ABCC12: variants seen among roughly 807,000 people sequenced by gnomAD.
ABCC12 encodes ATP-binding cassette sub-family C member 12.
ABCC12 carries 142 observed loss-of-function variants against 151.1 expected under a neutral mutation model. That is an observed-to-expected ratio of 0.94 (90% CI 0.82 to 1.08). The LOEUF (loss-of-function observed/expected upper bound fraction) is 1.08, where lower values mean the gene tolerates loss of function less well. Ranked by LOEUF, ABCC12 falls within the 50% of genes least tolerant of loss-of-function variation. The pLI is 0.00. For synonymous variants in ABCC12, 645 were observed against 646.4 expected (o/e 1.00, Z 0.03); for missense variants, 1,638 against 1,691.1 (o/e 0.97, Z 0.55).
rs1274550571 is a variant in ABCC12, at chr16:48,107,958, G to A, written c.2371+482C>T. ...CAGAGGTTGGAGGTTGCAGTCAGCC[G>A]AGATTGCACCATTGCACTCCAGCCT... On this transcript the variant is annotated intron_variant, in intron 19 of 30. Coordinates refer to ENST00000311303, the MANE Select transcript of ABCC12 (RefSeq NM_001393797.1). Among the ~76,000 whole-genome samples, 6 of 151,748 alleles carry A rather than the reference G, an allele frequency of 4.0e-5. 1 individual carries two copies. Among genetic ancestry groups the A allele is most frequent in the East Asian group, 1.9e-4 (1 of 5,174 alleles).
At chr16:48,108,560 T>C in intron 18 of ABCC12, 31 bp from the exon 19 acceptor site, 1 of 1,595,972 alleles carries the variant, frequency 6.3e-7, no homozygotes, top group Non-Finnish European at 8.6e-7. Context: ...GCCATGGCTC[T>C]CACCACTGGG....
chr16:48,143,401 A>C (rs1447351333), intron 4 of ABCC12, among the ~76,000 whole-genome samples: 1 of 152,228 alleles, frequency 6.6e-6, no homozygotes. Flanking sequence ...CAAATCTCAG[A>C]GAATGGTTAC....
At chr16:48,099,994 C>G (rs1963247468) in intron 23 of ABCC12, among the ~76,000 whole-genome samples, 1 of 148,822 alleles carries the variant, frequency 6.7e-6, no homozygotes, top group South Asian at 2.1e-4. Context: ...GAGTCTCACT[C>G]TGTTGCCCAG....
chr16:48,128,410 T>C (rs1356777240), intron 11 of ABCC12, 49 bp downstream of exon 11: 9 of 1,598,630 alleles, frequency 5.6e-6, no homozygotes, highest in Non-Finnish European at 6.8e-6. Context: ...TGTAGCTATG[T>C]AATGCAAGGA....
At chr16:48,093,475 G>A (rs770747154) in intron 24 of ABCC12, among the ~76,000 whole-genome samples, 1 of 152,146 alleles carries the variant, frequency 6.6e-6, no homozygotes, top group Non-Finnish European at 1.5e-5. Flanking sequence ...GCTGTTGTAT[G>A]AAATGCTGCT....
intron 25 of ABCC12, among the ~76,000 whole-genome samples, chr16:48,089,537 T>TGTG (rs1490408745): frequency 6.1e-4 from 93 of 152,276 alleles, no homozygotes; most frequent in African/African-American, 2.0e-3. Flanking sequence ...GCCCCTCCTC[T>TGTG]TAAGTCACCT....
rs569541804 is a variant in ABCC12 at position 48,133,933 on chromosome 16, C to T, written c.980-98G>A. On this transcript the variant is annotated intron_variant, in intron 8 of 30. Transcript: ENST00000311303. ...CCTACTTGGTCCTCTTCCAGATGGG[C>T]GCTCATGAGTCCTGTTGTGAAGTTT... 1.2e-3 allele frequency: 1,628 copies of T among 1,406,498 alleles called. 11 individuals carry two copies. The African/African-American group carries it at 0.018, about 16-fold the overall frequency. 87.1% of individuals were successfully genotyped at this position (1,406,498 alleles called of 1,614,324 possible). A position where few individuals can be genotyped will look rare whatever the true frequency, so the allele number is the denominator to read the frequency against.
intron 19 of ABCC12, among the ~76,000 whole-genome samples, chr16:48,107,903 G>A (rs998289231): frequency 1.3e-5 from 2 of 152,186 alleles, no homozygotes; most frequent in South Asian, 2.1e-4. Context: ...TTGGGAGGCT[G>A]AGGCAGGAGA....
rs972382092 is a variant in ABCC12 at position 48,111,521 on chromosome 16, T to G, written c.2210-14A>C. On this transcript the variant is annotated splice_polypyrimidine_tract_variant and intron_variant, in intron 17 of 30. Transcript: ENST00000311303. ...CTGGAGCCAAAACTAGGGTGAGAAATAAAGAGAGATCTGTGTCCATTCAAG... is the reference window on the plus strand; with the variant it reads ...CTGGAGCCAAAACTAGGGTGAGAAAGAAAGAGAGATCTGTGTCCATTCAAG... The G allele has an allele frequency of 1.1e-5, 17 of 1,613,966 alleles. No individual in the cohort carries two copies. Among genetic ancestry groups the G allele is most frequent in the African/African-American group, 4.0e-5 (3 of 74,890 alleles).
At chr16:48,107,802 G>A (rs939131586) in intron 19 of ABCC12, among the ~76,000 whole-genome samples, 1 of 152,204 alleles carries the variant, frequency 6.6e-6, no homozygotes, top group Non-Finnish European at 1.5e-5. Context: ...AGGAGTTCGA[G>A]ACTAGCCTGG....
At chr16:48,137,112 G>A (rs185616212) in intron 8 of ABCC12, among the ~76,000 whole-genome samples, 1 of 151,636 alleles carries the variant, frequency 6.6e-6, no homozygotes, top group Admixed American at 6.5e-5. Context: ...GGGAAGGCAG[G>A]AGCAGTGCCT....
At position 48,101,024 on chromosome 16, in the gene ABCC12, A is replaced by G. The variant is rs780403881; in HGVS notation, c.2901-15T>C. On this transcript the variant is annotated splice_polypyrimidine_tract_variant and intron_variant, in intron 22 of 30. Transcript: ENST00000311303. ...TGTGGAAAATGCTGGAAGAAAATTG[A>G]AAGGGGCCAGGTGGGCCACAAAGTG... The G allele has an allele frequency of 1.2e-6, 2 of 1,613,252 alleles. No homozygotes were observed. Among genetic ancestry groups the G allele is most frequent in the Non-Finnish European group, 1.7e-6 (2 of 1,179,530 alleles).
intron 28 of ABCC12, 178 bp downstream of exon 28, chr16:48,086,563 A>G: frequency 1.7e-6 from 1 of 602,156 alleles, no homozygotes; most frequent in Non-Finnish European, 3.0e-6. Context: ...GTAGAGCCCT[A>G]TTGTTGCTTT....
At chr16:48,148,656 T>C (rs1006756580) in intron 2 of ABCC12, among the ~76,000 whole-genome samples, 5 of 152,078 alleles carry the variant, frequency 3.3e-5, no homozygotes, top group Non-Finnish European at 7.4e-5. Flanking sequence ...CATACTCTAC[T>C]CTCCACCTTC....
rs766080498 is a variant in ABCC12 at position 48,096,978 on chromosome 16, T to C, written c.3039-76A>G. The C allele has an allele frequency of 1.0e-5, 16 of 1,587,080 alleles. 1 individual carries two copies. The Admixed American group carries it at 2.5e-4, about 25-fold the overall frequency. On this transcript the variant is annotated intron_variant, in intron 23 of 30. Coordinates refer to ENST00000311303, the MANE Select transcript of ABCC12 (RefSeq NM_001393797.1). ...AAAAGCAGGAGATCAGGTTGTGCTG[T>C]AGACTTAAGGTTAGGGTGACTGGAG... is the stretch of plus-strand genomic sequence containing the variant.
chr16:48,134,556 G>C (rs934753642), intron 8 of ABCC12, among the ~76,000 whole-genome samples: 2 of 152,138 alleles, frequency 1.3e-5, no homozygotes, highest in Non-Finnish European at 2.9e-5. Flanking sequence ...CTCAGAGAAG[G>C]GGGAGCCGAG....
At chr16:48,125,571 C>T (rs138832094) in intron 11 of ABCC12, among the ~76,000 whole-genome samples, 82 of 152,258 alleles carry the variant, frequency 5.4e-4, no homozygotes, top group African/African-American at 1.9e-3. Flanking sequence ...TCATTGCAGG[C>T]AAACAGCCCA....
intron 15 of ABCC12, among the ~76,000 whole-genome samples, chr16:48,112,896 G>T (rs1206441495): frequency 6.6e-6 from 1 of 151,860 alleles, no homozygotes. Context: ...AAGCACTTCT[G>T]TTTTTTTTAA....
intron 21 of ABCC12, among the ~76,000 whole-genome samples, chr16:48,104,716 T>C (rs1963426571): frequency 6.6e-6 from 1 of 152,190 alleles, no homozygotes; most frequent in Non-Finnish European, 1.5e-5. Flanking sequence ...TCACTTTGTC[T>C]CTTTACCTCC....
Sources: allele counts gnomAD v4.1 joint callset (sites outside exome capture counted in the v4.1 genomes callset), GRCh38; gene constraint gnomAD v4.1.1; transcripts MANE v1.5; gene names NCBI Gene and HGNC (gene_info 2026-07-23, HGNC 2026-07-21).